Variants in MPPED1 observed in about 807,000 individuals in gnomAD.
MPPED1 encodes metallophosphoesterase domain containing 1.
Under a neutral mutation model 36.2 loss-of-function variants are expected in MPPED1, and 16 were observed. That is an observed-to-expected ratio of 0.44 (90% CI 0.30 to 0.67). The LOEUF (loss-of-function observed/expected upper bound fraction) is 0.67, where lower values mean the gene tolerates loss of function less well. Ranked by LOEUF, MPPED1 falls within the 30% of genes least tolerant of loss-of-function variation. The pLI is 0.10. For missense variants in MPPED1, 307 were observed against 453.4 expected, an observed-to-expected ratio of 0.68 and a Z score of 2.93; for synonymous variants, 199 against 191.3, an observed-to-expected ratio of 1.04 and a Z score of -0.33.
intron 3 of MPPED1, among the ~76,000 whole-genome samples, chr22:43,466,855 C>T (rs1018807242): frequency 1.9e-4 from 29 of 152,194 alleles, no homozygotes; most frequent in Admixed American, 6.5e-5. Context: ...CCCATGTTTC[C>T]CCCTCACCCT....
intron 4 of MPPED1, among the ~76,000 whole-genome samples, chr22:43,476,454 GA>G (rs772187906): frequency 6.6e-5 from 10 of 152,264 alleles, no homozygotes; most frequent in Admixed American, 6.5e-5. Context: ...CGAGGCTAAG[GA>G]GCCCTTTAGA....
chr22:43,477,399 G>T (rs1468542696), intron 4 of MPPED1, among the ~76,000 whole-genome samples: 1 of 152,212 alleles, frequency 6.6e-6, no homozygotes, highest in Non-Finnish European at 1.5e-5. Flanking sequence ...GTTTCCAACC[G>T]GGGTGAGCAG....
In MPPED1 at chr22:43,455,264, C is replaced by T. The variant is rs563236786; in HGVS notation, c.407-19472C>T. On this transcript the variant is annotated intron_variant, in intron 3 of 6. Coordinates refer to ENST00000443721, the MANE Select transcript of MPPED1 (RefSeq NM_001044370.2). ...AGCTGGGATTACAGGTGCCCACTAC[C>T]GTGCCCAGCTAATATTTGTATTTTT... is the stretch of plus-strand genomic sequence containing the variant. Among the ~76,000 whole-genome samples, 7 of 152,072 alleles carry T rather than the reference C, an allele frequency of 4.6e-5. No homozygotes were observed. In the East Asian group the frequency reaches 5.8e-4, roughly 13 times the overall value.
At position 43,412,074 on chromosome 22, in the gene MPPED1, G is replaced by GCCTCCCTCCCGGGAGCC; in HGVS notation, c.-159_-143dup. ...GCCGGAGGAGCCCCCGCCCCTGCGCGCCTCCCTCCCGGGAGCCCCTGCCTC... is the reference window on the plus strand; with the variant it reads ...GCCGGAGGAGCCCCCGCCCCTGCGCGCCTCCCTCCCGGGAGCCCCTCCCTCCCGGGAGCCCCTGCCTC... On this transcript the variant is annotated 5_prime_UTR_variant, in exon 1 of 7. Coordinates refer to ENST00000443721, the MANE Select transcript of MPPED1 (RefSeq NM_001044370.2). The GCCTCCCTCCCGGGAGCC allele has an allele frequency of 2.0e-6, 2 of 979,476 alleles. No homozygotes were observed. The highest frequency in any genetic ancestry group is 1.8e-5 in the African/African-American group (1 of 56,676). 60.7% of individuals were successfully genotyped at this position (979,476 alleles called of 1,614,324 possible). A position where few individuals can be genotyped will look rare whatever the true frequency, so the allele number is the denominator to read the frequency against.
chr22:43,425,185 G>T lies in MPPED1; in HGVS notation c.200G>T (p.Arg67Leu). 6.2e-7 allele frequency: 1 copy of T among 1,606,194 alleles called. No homozygotes were observed. Among genetic ancestry groups the T allele is most frequent in the Non-Finnish European group, 8.5e-7 (1 of 1,173,852 alleles). The change falls in exon 2 of 7, where the codon CGC becomes CTC. Residue 67 changes from arginine (R) to leucine (L), a missense_variant. Physicochemically the swap from Arg to Leu is moderately radical, Grantham distance 102. This residue lies in a region of MPPED1 where 169 missense variants were observed against 212.3 expected (regional missense o/e 0.80). Coordinates refer to ENST00000443721, the MANE Select transcript of MPPED1 (RefSeq NM_001044370.2). ...AFTFYNINQGRFQPPHVQMVD... is the reference protein window; with the variant it reads ...AFTFYNINQGLFQPPHVQMVD... ...ACCTTCTACAACATCAACCAGGGCC[G>T]CTTCCAGCCACCGCATGTGCAGATG...
chr22:43,475,491 A>G (rs1411832493), intron 4 of MPPED1, among the ~76,000 whole-genome samples: 7 of 140,316 alleles, frequency 5.0e-5, no homozygotes, highest in South Asian at 2.5e-4. Flanking sequence ...GATGGTGATG[A>G]TGGTGGTGAT....
chr22:43,423,368 C>T (rs1312437373), intron 1 of MPPED1, among the ~76,000 whole-genome samples: 1 of 152,200 alleles, frequency 6.6e-6, no homozygotes, highest in African/African-American at 2.4e-5. Flanking sequence ...GCCCCTGCTC[C>T]CCCACCTACA....
chr22:43,498,188 C>T, intron 4 of MPPED1, 47 bp from the exon 5 acceptor site: 1 of 1,458,090 alleles, frequency 6.9e-7, no homozygotes, highest in Admixed American at 2.0e-5. Flanking sequence ...TCTGACCACC[C>T]TGTACTTTCA....
At chr22:43,473,216 G>A (rs991075615) in intron 3 of MPPED1, among the ~76,000 whole-genome samples, 3 of 149,332 alleles carry the variant, frequency 2.0e-5, no homozygotes, top group Non-Finnish European at 2.9e-5. Flanking sequence ...CACGGTGCCC[G>A]TGCTGCTGGG....
At chr22:43,425,296 G>C (rs1162131723) in intron 2 of MPPED1, 87 bp downstream of exon 2, 3 of 1,455,034 alleles carry the variant, frequency 2.1e-6, no homozygotes, top group Non-Finnish European at 2.7e-6. Flanking sequence ...GGTTCTGGGG[G>C]CACTGTAACA....
At chr22:43,471,268 G>A (rs1250866531) in intron 3 of MPPED1, among the ~76,000 whole-genome samples, 1 of 152,254 alleles carries the variant, frequency 6.6e-6, no homozygotes, top group Non-Finnish European at 1.5e-5. Context: ...GATGGGTGAT[G>A]TGAAGTGGAA....
At position 43,424,947 on chromosome 22, in the gene MPPED1, G is replaced by A. The variant is rs771456127; in HGVS notation, c.-39G>A. The stretch of plus-strand genomic sequence containing the variant: ...TGGCGGGGGGCCGGGCTGCGGTGGC[G>A]GCAGCGGTGGGAGATGCCGGGGCGG... On this transcript the variant is annotated 5_prime_UTR_variant, in exon 2 of 7. Transcript: ENST00000443721. 15 of 1,547,676 alleles carry A rather than the reference G, an allele frequency of 9.7e-6. No homozygotes were observed. Among genetic ancestry groups the A allele is most frequent in the Middle Eastern group, 1.7e-4 (1 of 5,830 alleles).
At chr22:43,468,514 G>T (rs987822705) in intron 3 of MPPED1, among the ~76,000 whole-genome samples, 1 of 152,218 alleles carries the variant, frequency 6.6e-6, no homozygotes, top group African/African-American at 2.4e-5. Flanking sequence ...GCTGGTCATT[G>T]TTCAGACATC....
At chr22:43,477,150 CAGA>C (rs1172967843) in intron 4 of MPPED1, among the ~76,000 whole-genome samples, 4 of 152,190 alleles carry the variant, frequency 2.6e-5, no homozygotes, top group Admixed American at 6.5e-5. Context: ...TTTCCACAGG[CAGA>C]GGAGGCAGAG....
rs1451687553 is a variant in MPPED1 at position 43,507,329 on chromosome 22, C to T, written c.*1713C>T. The stretch of plus-strand genomic sequence containing the variant: ...GAGGAGTCCTGAACCCTGGGTGCAG[C>T]ATCCTAGCATCCTGGGAGTCCTTTT... On this transcript the variant is annotated 3_prime_UTR_variant, in exon 7 of 7. Coordinates refer to ENST00000443721, the MANE Select transcript of MPPED1 (RefSeq NM_001044370.2). The T allele has an allele frequency of 6.6e-6, 1 of 152,228 alleles. No individual in the cohort carries two copies. Among genetic ancestry groups the T allele is most frequent in the Non-Finnish European group, 1.5e-5 (1 of 68,064 alleles). 9.4% of individuals were successfully genotyped at this position (152,228 alleles called of 1,614,324 possible).
At chr22:43,436,846 G>T (rs888552877) in intron 3 of MPPED1, among the ~76,000 whole-genome samples, 1 of 152,240 alleles carries the variant, frequency 6.6e-6, no homozygotes, top group African/African-American at 2.4e-5. Flanking sequence ...TACTTGAGGT[G>T]GCTACCATTT....
intron 2 of MPPED1, among the ~76,000 whole-genome samples, chr22:43,434,097 G>A (rs1032137087): frequency 7.9e-5 from 12 of 152,292 alleles, no homozygotes; most frequent in Non-Finnish European, 1.5e-4. Flanking sequence ...CTGGATCTTG[G>A]CATCCTCGTC....
chr22:43,500,090 G>A (rs1284180274), intron 5 of MPPED1, among the ~76,000 whole-genome samples: 1 of 112,432 alleles, frequency 8.9e-6, no homozygotes. Flanking sequence ...TGGTGATGGC[G>A]ATGGAGGTGG....
At chr22:43,476,005 G>A (rs1192460226) in intron 4 of MPPED1, among the ~76,000 whole-genome samples, 1 of 151,658 alleles carries the variant, frequency 6.6e-6, no homozygotes, top group Non-Finnish European at 1.5e-5. Flanking sequence ...TGATGATGAT[G>A]GTGGTGGTGG....
Sources: allele counts gnomAD v4.1 joint callset (sites outside exome capture counted in the v4.1 genomes callset), GRCh38; gene constraint gnomAD v4.1.1; regional missense constraint gnomAD v4.1.1; transcripts MANE v1.5; gene names NCBI Gene and HGNC (gene_info 2026-07-23, HGNC 2026-07-21).